TCF3: variants seen among roughly 807,000 people sequenced by gnomAD.
TCF3 encodes the protein transcription factor E2-alpha.
TCF3 carries 54 observed loss-of-function variants against 72.3 expected under a neutral mutation model. The ratio of observed to expected loss-of-function variants is 0.75; its 90% CI spans 0.60 to 0.94. The LOEUF (loss-of-function observed/expected upper bound fraction) is 0.94, where lower values mean the gene tolerates loss of function less well. Among genes scored for constraint, TCF3 ranks in the 40% least tolerant of loss-of-function variants. TCF3 has a pLI of 0.00. For missense variants in TCF3, 1,078 were observed against 934.4 expected, an observed-to-expected ratio of 1.15 and a Z score of -2.00; for synonymous variants, 525 against 412.6, an observed-to-expected ratio of 1.27 and a Z score of -3.30.
At chr19:1,650,835 C>T in intron 1 of TCF3, 2 of 231,702 alleles carry the variant, frequency 8.6e-6, no homozygotes, top group Non-Finnish European at 1.7e-5. Context: ...AACCACGAAA[C>T]TCTTTTACAA....
At position 1,610,653 on chromosome 19, in the gene TCF3, G is replaced by A. The variant is rs1599383002; in HGVS notation, c.*1054C>T. Reference sequence around the variant, plus strand: ...AAGGGAGAGCAGCTTAGGGGGGCCTGGGGAGGGCGTTGTGTAGGGTAGCCC... The same window carrying A: ...AAGGGAGAGCAGCTTAGGGGGGCCTAGGGAGGGCGTTGTGTAGGGTAGCCC... On this transcript the variant is annotated 3_prime_UTR_variant, in exon 19 of 19. Coordinates refer to ENST00000262965, the MANE Select transcript of TCF3 (RefSeq NM_003200.5). 1 of 230,686 alleles carries A rather than the reference G, an allele frequency of 4.3e-6. No individual in the cohort carries two copies. The highest frequency in any genetic ancestry group is 1.8e-4 in the South Asian group (1 of 5,516). 14.3% of individuals were successfully genotyped at this position (230,686 alleles called of 1,614,324 possible).
chr19:1,649,383 G>C (rs992809199), intron 2 of TCF3, among the ~76,000 whole-genome samples: 1 of 152,172 alleles, frequency 6.6e-6, no homozygotes, highest in Non-Finnish European at 1.5e-5. Flanking sequence ...CCTGTTCACG[G>C]AGGGTGGTCC....
At chr19:1,630,599 G>C (rs1413666364) in intron 5 of TCF3, among the ~76,000 whole-genome samples, 1 of 152,196 alleles carries the variant, frequency 6.6e-6, no homozygotes, top group African/African-American at 2.4e-5. Flanking sequence ...ACAGCTCCCG[G>C]CTTCTAAGCA....
chr19:1,651,517 G>A lies in TCF3; in HGVS notation c.-40+783C>T, dbSNP rs369712762. The stretch of plus-strand genomic sequence containing the variant: ...TGAAACCGATTTTAAGACAGACTTA[G>A]TTGGGGGGGTGGCGAGCTAAAACGG... On this transcript the variant is annotated intron_variant, in intron 1 of 18. Transcript: ENST00000262965. Among the ~76,000 whole-genome samples the A allele has an allele frequency of 4.7e-4, 72 of 152,376 alleles. No homozygotes were observed. In the East Asian group the frequency reaches 7.1e-3, roughly 15 times the overall value.
chr19:1,621,109 C>T, intron 12 of TCF3, 24 bp downstream of exon 12: 1 of 1,527,622 alleles, frequency 6.5e-7, no homozygotes, highest in South Asian at 1.2e-5. Context: ...CTTGCCTGGC[C>T]ACCCCCCATG....
intron 6 of TCF3, among the ~76,000 whole-genome samples, chr19:1,626,806 C>T (rs1021571237): frequency 3.3e-5 from 5 of 152,200 alleles, no homozygotes; most frequent in Admixed American, 3.3e-4. Context: ...GGCTTGGGCA[C>T]AGTGAGCACA....
At chr19:1,639,174 G>T (rs2064882414) in intron 3 of TCF3, among the ~76,000 whole-genome samples, 1 of 152,250 alleles carries the variant, frequency 6.6e-6, no homozygotes, top group South Asian at 2.1e-4. Flanking sequence ...CTCCCGAGCA[G>T]CTGGGATTGC....
At position 1,619,786 on chromosome 19, in the gene TCF3, G is replaced by A. The variant is rs531340448; in HGVS notation, c.1161C>T (p.His387=). The A allele has an allele frequency of 2.3e-5, 35 of 1,554,920 alleles. No individual in the cohort carries two copies. The highest frequency in any genetic ancestry group is 1.7e-4 in the Admixed American group (9 of 51,954). ...ALSPSYDGGL[H]GLQSKIEDHL... ...GGGCGGGGCAGGCACTCACCAGGCCGTGGAGACCCCCGTCGTAGCTGGGCG... is the reference window on the plus strand; with the variant it reads ...GGGCGGGGCAGGCACTCACCAGGCCATGGAGACCCCCGTCGTAGCTGGGCG... Residue 387 remains histidine, a synonymous_variant, in exon 14 of 19, where the codon CAC becomes CAT. Coordinates refer to ENST00000262965, the MANE Select transcript of TCF3 (RefSeq NM_003200.5).
intron 3 of TCF3, among the ~76,000 whole-genome samples, chr19:1,635,974 C>T (rs1027388434): frequency 2.0e-5 from 3 of 152,168 alleles, no homozygotes; most frequent in Admixed American, 6.5e-5. Context: ...TCTTCTTCCT[C>T]CTTATAATTA....
In TCF3 at chr19:1,614,310, C is replaced by T. The variant is rs982785349; in HGVS notation, c.1822+975G>A. 1.3e-5 allele frequency among the ~76,000 whole-genome samples: 2 copies of T among 152,214 alleles called. No individual in the cohort carries two copies. Among genetic ancestry groups the T allele is most frequent in the African/African-American group, 4.8e-5 (2 of 41,452 alleles). On this transcript the variant is annotated intron_variant, in intron 18 of 18. Coordinates refer to ENST00000262965, the MANE Select transcript of TCF3 (RefSeq NM_003200.5). This position sits in a 1 kb window ranked among gnomAD's most constrained non-coding sequence, Gnocchi z 5.6. ...ACCAAACTGACAGGACCAGGGGCTG[C>T]GTGCTCCCGGGTCTGGTTTCTTCCC...
chr19:1,650,233 T>C lies in TCF3; in HGVS notation c.16A>G (p.Arg6Gly), dbSNP rs371323214. 150 of 1,568,366 alleles carry C rather than the reference T, an allele frequency of 9.6e-5. No homozygotes were observed. Among genetic ancestry groups the C allele is most frequent in the Middle Eastern group, 6.7e-4 (4 of 6,000 alleles). Residue 6 changes from arginine to glycine, a missense_variant, in exon 2 of 19, where the codon AGG becomes GGG. Transcript: ENST00000262965. The stretch of plus-strand genomic sequence containing the variant: ...TTGTCTGTGCCCACAGGCGCCATCC[T>C]CTGCGGCTGGTTCATTCTCCTGGGG... MNQPQRMAPVGTDKEL... is the reference protein window; with the variant it reads MNQPQGMAPVGTDKEL...
At chr19:1,625,922 A>T (rs1007123380) in intron 6 of TCF3, among the ~76,000 whole-genome samples, 3 of 152,204 alleles carry the variant, frequency 2.0e-5, no homozygotes, top group South Asian at 4.1e-4. Flanking sequence ...ACGAAGAACG[A>T]AAGACTGAGA....
Position 1,622,293 on chromosome 19 carries a change from G to T in TCF3, c.652+20C>A. The T allele has an allele frequency of 6.6e-7, 1 of 1,508,046 alleles. No homozygotes were observed. The highest frequency in any genetic ancestry group is 8.9e-7 in the Non-Finnish European group (1 of 1,126,050). 93.4% of individuals were successfully genotyped at this position (1,508,046 alleles called of 1,614,324 possible). ...AGCCCTGCCCTACCGTCCCTGGCGA[G>T]CCCCCGCCCTGCCATGTACCTGCCA... On this transcript the variant is annotated intron_variant, in intron 9 of 18. Coordinates refer to ENST00000262965, the MANE Select transcript of TCF3 (RefSeq NM_003200.5).
intron 3 of TCF3, among the ~76,000 whole-genome samples, chr19:1,643,558 C>A (rs951739160): frequency 6.6e-6 from 1 of 152,074 alleles, no homozygotes; most frequent in Non-Finnish European, 1.5e-5. Context: ...CTCAGTCACC[C>A]AGGCTGGAGC....
chr19:1,619,595 CAT>C (rs1386872969), intron 14 of TCF3, 121 bp from the exon 15 acceptor site: 26 of 1,412,400 alleles, frequency 1.8e-5, no homozygotes, highest in Non-Finnish European at 2.3e-5. Context: ...CAGGAAGCTG[CAT>C]ATGCCAGGCA....
In TCF3 at chr19:1,621,721, TC is replaced by T. The variant is rs146371080; in HGVS notation, c.955+116del. The T allele has an allele frequency of 1.6e-3, 2,185 of 1,344,504 alleles. 34 individuals are homozygous for T. In the African/African-American group the frequency reaches 0.029, roughly 18 times the overall value. The allele number at this position is 1,344,504 out of a possible 1,614,324, so 83.3% of individuals were successfully genotyped here. A position where few individuals can be genotyped will look rare whatever the true frequency, so the allele number is the denominator to read the frequency against. ...ACAATGAGAACTGACAACAACCCGCTCTCAGGGCCAGCAGACGCGCCTGCGC... is the reference window on the plus strand; with the variant it reads ...ACAATGAGAACTGACAACAACCCGCTTCAGGGCCAGCAGACGCGCCTGCGC... On this transcript the variant is annotated intron_variant, in intron 11 of 18. Coordinates refer to ENST00000262965, the MANE Select transcript of TCF3 (RefSeq NM_003200.5).
intron 11 of TCF3, 80 bp downstream of exon 11, chr19:1,621,758 G>C (rs2062250323): frequency 1.4e-5 from 21 of 1,457,360 alleles, no homozygotes; most frequent in Non-Finnish European, 1.9e-5. Flanking sequence ...CTCCCGTGGA[G>C]TCCTCGCCAC....
In TCF3 at chr19:1,646,336, C is replaced by T; in HGVS notation, c.145+19G>A. On this transcript the variant is annotated intron_variant, in intron 3 of 18. Coordinates refer to ENST00000262965, the MANE Select transcript of TCF3 (RefSeq NM_003200.5). Reference sequence around the variant, plus strand: ...GATCTCCTCACTCCACGAGCGCTGGCAGGAAGGCGGGGTCCTACCTGAACC... The same window carrying T: ...GATCTCCTCACTCCACGAGCGCTGGTAGGAAGGCGGGGTCCTACCTGAACC... 6.5e-7 allele frequency: 1 copy of T among 1,549,894 alleles called. No individual in the cohort carries two copies. Among genetic ancestry groups the T allele is most frequent in the Non-Finnish European group, 8.7e-7 (1 of 1,146,290 alleles).
rs768799787 is a variant in TCF3, at chr19:1,625,690, C to G, written c.385G>C (p.Glu129Gln). The G allele has an allele frequency of 3.2e-5, 49 of 1,516,552 alleles. No individual in the cohort carries two copies. Among genetic ancestry groups the G allele is most frequent in the Non-Finnish European group, 4.2e-5 (48 of 1,138,596 alleles). The allele number at this position is 1,516,552 out of a possible 1,614,324, so 93.9% of individuals were successfully genotyped here. Residue 129 changes from glutamate (E) to glutamine (Q), a missense_variant, in exon 7 of 19, where the codon GAG becomes CAG. By Grantham distance (29) the Glu-to-Gln change is conservative (BLOSUM62 2). Transcript: ENST00000262965. Reference protein sequence around the residue: ...GLTQAGFLSGELALNSPGPLS... With the variant: ...GLTQAGFLSGQLALNSPGPLS... ...GGCCCGGGGCTGTTGAGGGCCAGCT[C>G]GCCTGACAGGAAGCCAGCCTGGTGG... is the stretch of plus-strand genomic sequence containing the variant.
Sources: allele counts gnomAD v4.1 joint callset (sites outside exome capture counted in the v4.1 genomes callset), GRCh38; gene constraint gnomAD v4.1.1; non-coding constraint Gnocchi (gnomAD v3.1); transcripts MANE v1.5; gene names NCBI Gene and HGNC (gene_info 2026-07-23, HGNC 2026-07-21).